Variants in USP32 observed in about 807,000 individuals in gnomAD.
The protein encoded by USP32 is ubiquitin specific peptidase 32.
A neutral mutation model predicts 204.8 loss-of-function variants in USP32; 59 were observed. The ratio of observed to expected loss-of-function variants is 0.29; its 90% CI spans 0.23 to 0.36. The LOEUF is 0.36. USP32 is among the 10% of genes least tolerant of loss of function. The pLI is 1.00. For synonymous variants in USP32, 517 were observed against 678.4 expected (o/e 0.76, Z 3.70); for missense variants, 1,160 against 1,946.4 (o/e 0.60, Z 7.60).
At chr17:60,214,599 T>C (rs1468555270) in intron 17 of USP32, 21 bp downstream of exon 17, 1 of 1,611,202 alleles carries the variant, frequency 6.2e-7, no homozygotes, top group Non-Finnish European at 8.5e-7. Flanking sequence ...AGACTCTCTA[T>C]GACTCTGAGA....
chr17:60,379,390 CAT>C (rs1468438946), intron 1 of USP32, among the ~76,000 whole-genome samples: 1 of 152,126 alleles, frequency 6.6e-6, no homozygotes, highest in African/African-American at 2.4e-5. Context: ...AATGCACAAA[CAT>C]CTACTACATT....
intron 1 of USP32, among the ~76,000 whole-genome samples, chr17:60,380,319 C>T (rs2146111670): frequency 6.6e-6 from 1 of 152,310 alleles, no homozygotes; most frequent in East Asian, 1.9e-4. Flanking sequence ...GTAATCCCAA[C>T]ACTTTGGGAG....
At chr17:60,358,210 C>G (rs527630573) in intron 1 of USP32, among the ~76,000 whole-genome samples, 1 of 152,174 alleles carries the variant, frequency 6.6e-6, no homozygotes, top group Non-Finnish European at 1.5e-5. Context: ...AGCCACCACC[C>G]TATGAACCTA....
chr17:60,298,123 T>C (rs2087483625), intron 3 of USP32, among the ~76,000 whole-genome samples: 1 of 148,696 alleles, frequency 6.7e-6, no homozygotes, highest in Non-Finnish European at 1.5e-5. Flanking sequence ...CTAACTGTAA[T>C]GCATTTAAAT....
At chr17:60,297,250 T>G (rs1222774787) in intron 3 of USP32, among the ~76,000 whole-genome samples, 2 of 151,802 alleles carry the variant, frequency 1.3e-5, no homozygotes, top group Admixed American at 1.3e-4. Flanking sequence ...AATTTAAAAA[T>G]TAGCTGGGCA....
Position 60,181,714 on chromosome 17 carries a change from G to C in USP32, c.4158C>G (p.Ser1386Arg). The change falls in exon 32 of 34, where the codon AGC becomes AGG. Residue 1386 changes from serine to arginine, a missense_variant. By Grantham distance (110) the Ser-to-Arg change is moderately radical. This residue lies in a region of USP32 where 244 missense variants were observed against 342.3 expected (regional missense o/e 0.71). Transcript: ENST00000300896. ...SPSSSRKSGT[S>R]CPSSKNSSPN... ...GGCTGCTGTTTTTGCTGGAGGGACA[G>C]CTGGTTCCACTTTTTCTTGATGAAG... The C allele has an allele frequency of 6.2e-7, 1 of 1,609,244 alleles. No homozygotes were observed. Among genetic ancestry groups the C allele is most frequent in the Non-Finnish European group, 8.5e-7 (1 of 1,177,722 alleles).
rs765418831 is a variant in USP32 at position 60,223,470 on chromosome 17, T to C, written c.1549A>G (p.Asn517Asp). The C allele has an allele frequency of 1.2e-6, 2 of 1,613,872 alleles. No individual in the cohort carries two copies. The highest frequency in any genetic ancestry group is 1.7e-6 in the Non-Finnish European group (2 of 1,179,988). ...TCAATAGCCCCTGGTTTCTGAGGGTTAAGGTGCAACAAAATATTCCCATTG... is the reference window on the plus strand; with the variant it reads ...TCAATAGCCCCTGGTTTCTGAGGGTCAAGGTGCAACAAAATATTCCCATTG... ...GANGNILLHLNPQKPGAIDNQ... is the reference protein window; with the variant it reads ...GANGNILLHLDPQKPGAIDNQ... The change falls in exon 14 of 34, where the codon AAC becomes GAC. Residue 517 changes from asparagine to aspartate, a missense_variant. Physicochemically the swap from Asn to Asp is conservative, Grantham distance 23 (BLOSUM62 1). This residue lies in a region of USP32 where 536 missense variants were observed against 680.9 expected (regional missense o/e 0.79). Transcript: ENST00000300896.
chr17:60,289,620 C>T (rs1230668689), intron 4 of USP32, among the ~76,000 whole-genome samples: 1 of 152,056 alleles, frequency 6.6e-6, no homozygotes, highest in Non-Finnish European at 1.5e-5. Context: ...AGTATCCAGG[C>T]TGAAAAAGAG....
intron 1 of USP32, among the ~76,000 whole-genome samples, chr17:60,416,297 T>C (rs1329983844): frequency 6.6e-6 from 1 of 152,166 alleles, no homozygotes; most frequent in African/African-American, 2.4e-5. Context: ...TTTCTATGTA[T>C]GCTTAATTCA....
intron 12 of USP32, among the ~76,000 whole-genome samples, chr17:60,235,265 AC>A (rs1261720829): frequency 5.2e-4 from 79 of 152,316 alleles, no homozygotes; most frequent in African/African-American, 1.9e-3. Context: ...CTGATGCTGT[AC>A]CCCAATATTC....
intron 1 of USP32, among the ~76,000 whole-genome samples, chr17:60,374,561 T>C (rs2089504275): frequency 6.6e-6 from 1 of 152,068 alleles, no homozygotes; most frequent in African/African-American, 2.4e-5. Context: ...AATTTTTGTA[T>C]TTTTTGTAGA....
At chr17:60,257,833 A>T (rs554471092) in intron 9 of USP32, among the ~76,000 whole-genome samples, 144 of 151,900 alleles carry the variant, frequency 9.5e-4, no homozygotes, top group African/African-American at 3.3e-3. Context: ...CTGCAAACTC[A>T]AGGAGTTCTG....
At chr17:60,401,429 A>G (rs1050911590) in intron 1 of USP32, among the ~76,000 whole-genome samples, 19 of 152,198 alleles carry the variant, frequency 1.2e-4, no homozygotes, top group African/African-American at 4.3e-4. Flanking sequence ...TCAGGTAGAT[A>G]GATCTTAGGA....
chr17:60,206,749 G>C (rs1369014368), intron 25 of USP32, among the ~76,000 whole-genome samples: 1 of 152,014 alleles, frequency 6.6e-6, no homozygotes, highest in East Asian at 1.9e-4. Context: ...TCTCATACTA[G>C]CTGTTGCCAT....
intron 4 of USP32, among the ~76,000 whole-genome samples, chr17:60,291,451 G>A (rs562451143): frequency 7.9e-5 from 12 of 152,148 alleles, no homozygotes; most frequent in African/African-American, 2.9e-4. Flanking sequence ...TAAAGCACAA[G>A]ATAGAAAAAG....
intron 2 of USP32, among the ~76,000 whole-genome samples, chr17:60,343,439 A>G (rs1327289857): frequency 6.6e-6 from 1 of 152,238 alleles, no homozygotes; most frequent in Non-Finnish European, 1.5e-5. Flanking sequence ...AATAGAAATC[A>G]CAACAAACTG....
intron 1 of USP32, among the ~76,000 whole-genome samples, chr17:60,388,380 G>A (rs553075135): frequency 6.6e-6 from 1 of 151,390 alleles, no homozygotes; most frequent in East Asian, 1.9e-4. Flanking sequence ...AAGCAGATAA[G>A]ACAGAAGAAT....
chr17:60,394,179 G>A (rs1480460537), upstream of USP32, among the ~76,000 whole-genome samples: 1 of 152,180 alleles, frequency 6.6e-6, no homozygotes, highest in Non-Finnish European at 1.5e-5. Context: ...CATTAGTTCG[G>A]TATAGAGAGA....
At chr17:60,399,806 G>C (rs1217879791) in intron 1 of USP32, among the ~76,000 whole-genome samples, 4 of 152,196 alleles carry the variant, frequency 2.6e-5, no homozygotes, top group Non-Finnish European at 4.4e-5. Context: ...ATTGTCCAAG[G>C]AATGAGGCAA....
Sources: allele counts gnomAD v4.1 joint callset (sites outside exome capture counted in the v4.1 genomes callset), GRCh38; gene constraint gnomAD v4.1.1; regional missense constraint gnomAD v4.1.1; transcripts MANE v1.5; gene names NCBI Gene and HGNC (gene_info 2026-07-23, HGNC 2026-07-21).